The following FAM13A variants were observed in gnomAD, a reference collection of about 807,000 sequenced individuals.
The protein encoded by FAM13A is protein FAM13A.
In FAM13A, 76 loss-of-function variants were observed where a neutral mutation model predicts 129.6. The observed-to-expected ratio is 0.59, with a 90% CI of 0.49 to 0.71. The LOEUF is 0.71. Among genes scored for constraint, FAM13A ranks in the 30% least tolerant of loss-of-function variants. The pLI, the probability that FAM13A is intolerant of heterozygous loss-of-function variation, is 0.00. For missense variants in FAM13A, 1,108 were observed against 1,249.3 expected (o/e 0.89, Z 1.70); for synonymous variants, 443 against 449.9 (o/e 0.98, Z 0.20).
chr4:89,006,738 G>C (rs1194337189), intron 3 of FAM13A, among the ~76,000 whole-genome samples: 1 of 152,118 alleles, frequency 6.6e-6, no homozygotes, highest in Non-Finnish European at 1.5e-5. Context: ...TTTGAAGGAT[G>C]GTGAATGCGG....
intron 7 of FAM13A, among the ~76,000 whole-genome samples, chr4:88,823,857 A>C (rs1468766780): frequency 6.6e-6 from 1 of 152,224 alleles, no homozygotes; most frequent in Non-Finnish European, 1.5e-5. Flanking sequence ...GTCTCTGCCC[A>C]AGTTCTTAAG....
chr4:88,994,381 C>A (rs1269913307), intron 3 of FAM13A, among the ~76,000 whole-genome samples: 1 of 152,164 alleles, frequency 6.6e-6, no homozygotes, highest in Admixed American at 6.5e-5. Flanking sequence ...TTACTGCCAG[C>A]CTGCTGCAAC....
At chr4:88,754,256 G>A (rs1346491212) in intron 14 of FAM13A, among the ~76,000 whole-genome samples, 1 of 152,190 alleles carries the variant, frequency 6.6e-6, no homozygotes, top group Non-Finnish European at 1.5e-5. Flanking sequence ...AAAGCTGCAT[G>A]CTTGCTACTG....
intron 3 of FAM13A, among the ~76,000 whole-genome samples, chr4:89,014,689 T>A (rs1766223267): frequency 6.6e-6 from 1 of 152,244 alleles, no homozygotes; most frequent in Non-Finnish European, 1.5e-5. Flanking sequence ...ATTTATCACT[T>A]CCCCAGTCAA....
intron 2 of FAM13A, among the ~76,000 whole-genome samples, chr4:89,027,349 T>G (rs942597772): frequency 6.6e-6 from 1 of 151,866 alleles, no homozygotes; most frequent in Non-Finnish European, 1.5e-5. Context: ...TCTAAAAAAA[T>G]TTTTTTTAAT....
intron 13 of FAM13A, among the ~76,000 whole-genome samples, chr4:88,765,206 C>T (rs1371464912): frequency 6.6e-6 from 1 of 151,860 alleles, no homozygotes; most frequent in African/African-American, 2.4e-5. Context: ...AGTAGTCCTC[C>T]CAAAAAAAAA....
chr4:88,933,132 T>C (rs934235267), intron 5 of FAM13A, among the ~76,000 whole-genome samples: 3 of 152,110 alleles, frequency 2.0e-5, no homozygotes, highest in African/African-American at 4.8e-5. Context: ...CCAAAAGATA[T>C]AATGAGCAAC....
chr4:88,976,707 A>ACAGTGTACAGG (rs1760957184), intron 4 of FAM13A, among the ~76,000 whole-genome samples: 3 of 150,120 alleles, frequency 2.0e-5, no homozygotes, highest in South Asian at 2.1e-4. Context: ...CTTAATATTT[A>ACAGTGTACAGG]CTCACCACTC....
At chr4:89,015,600 A>G (rs1290071723) in intron 3 of FAM13A, among the ~76,000 whole-genome samples, 1 of 152,232 alleles carries the variant, frequency 6.6e-6, no homozygotes, top group Non-Finnish European at 1.5e-5. Context: ...ATTTCCTGAT[A>G]CATCATTTTA....
At chr4:88,850,938 G>A in intron 7 of FAM13A, 82 bp downstream of exon 7, 1 of 1,258,150 alleles carries the variant, frequency 7.9e-7, no homozygotes, top group East Asian at 2.3e-5. Context: ...GCAGATCAAT[G>A]CAGAAATACC....
At chr4:88,927,057 T>C (rs1752306911) in intron 5 of FAM13A, among the ~76,000 whole-genome samples, 1 of 152,156 alleles carries the variant, frequency 6.6e-6, no homozygotes, top group Non-Finnish European at 1.5e-5. Context: ...CTATCTTTGT[T>C]ATCGTGAACA....
chr4:88,923,663 C>T (rs1467164865), intron 5 of FAM13A, among the ~76,000 whole-genome samples: 1 of 152,180 alleles, frequency 6.6e-6, no homozygotes. Context: ...TGCCCTCTCT[C>T]ACCACTCCTA....
At chr4:88,844,465 GCT>G (rs771724351) in intron 7 of FAM13A, among the ~76,000 whole-genome samples, 1 of 152,160 alleles carries the variant, frequency 6.6e-6, no homozygotes, top group East Asian at 1.9e-4. Context: ...TTATTACAGG[GCT>G]GCCTGACAGA....
At chr4:88,850,371 AAGGTG>A (rs1202014366) in intron 7 of FAM13A, among the ~76,000 whole-genome samples, 3 of 152,074 alleles carry the variant, frequency 2.0e-5, no homozygotes, top group Non-Finnish European at 4.4e-5. Context: ...CCTGACCAAC[AAGGTG>A]AAACCCCATC....
At chr4:89,002,685 C>T (rs986150797) in intron 3 of FAM13A, among the ~76,000 whole-genome samples, 23 of 152,146 alleles carry the variant, frequency 1.5e-4, no homozygotes, top group African/African-American at 5.3e-4. Context: ...AAATGTTATC[C>T]TCAGATCAAA....
intron 16 of FAM13A, among the ~76,000 whole-genome samples, chr4:88,749,457 A>G (rs960317037): frequency 6.6e-6 from 1 of 152,202 alleles, no homozygotes; most frequent in African/African-American, 2.4e-5. Flanking sequence ...ATTTCAGAAG[A>G]TAATATTGAA....
At chr4:88,897,462 G>C (rs1430608649) in intron 6 of FAM13A, among the ~76,000 whole-genome samples, 1 of 152,190 alleles carries the variant, frequency 6.6e-6, no homozygotes. Flanking sequence ...CAAGAGCAGA[G>C]ACACCAGCTG....
At chr4:88,957,201 C>T (rs564259625) in intron 4 of FAM13A, among the ~76,000 whole-genome samples, 32 of 152,204 alleles carry the variant, frequency 2.1e-4, no homozygotes, top group Middle Eastern at 3.4e-3. Flanking sequence ...AGGCACATGC[C>T]GGCAGTCCCA....
chr4:88,923,279 T>G (rs2148728034), intron 5 of FAM13A, among the ~76,000 whole-genome samples: 1 of 152,338 alleles, frequency 6.6e-6, no homozygotes, highest in South Asian at 2.1e-4. Context: ...ATATCCTTGA[T>G]GAACATCAAT....
Sources: gnomAD v4.1 joint callset for allele counts (sites outside exome capture counted in the v4.1 genomes callset) on GRCh38, gnomAD v4.1.1 for gene constraint, MANE v1.5 for transcripts, NCBI Gene and HGNC (gene_info 2026-07-23, HGNC 2026-07-21) for gene names.